FARS2: variants seen among roughly 807,000 people sequenced by gnomAD.
FARS2 encodes the protein phenylalanyl-tRNA synthetase 2, mitochondrial.
Under a neutral mutation model 46.4 loss-of-function variants are expected in FARS2, and 40 were observed. The observed-to-expected ratio is 0.86, with a 90% CI of 0.67 to 1.12. The LOEUF is 1.12. Among genes scored for constraint, FARS2 ranks in the 50% most tolerant of loss-of-function variants. FARS2 has a pLI of 0.00. For missense variants in FARS2, 513 were observed against 567.9 expected, an observed-to-expected ratio of 0.90 and a Z score of 0.98; for synonymous variants, 234 against 214.9, an observed-to-expected ratio of 1.09 and a Z score of -0.78.
intron 5 of FARS2, among the ~76,000 whole-genome samples, chr6:5,554,841 T>TACC: frequency 5.3e-5 from 8 of 152,186 alleles, no homozygotes; most frequent in African/African-American, 1.9e-4. Context: ...AATATTGAAC[T>TACC]AGTAAGCTGT....
intron 5 of FARS2, chr6:5,609,632 A>G (rs1775060459): frequency 5.0e-6 from 6 of 1,211,238 alleles, no homozygotes; most frequent in Admixed American, 3.4e-5. Flanking sequence ...AGCACTCACC[A>G]TCTCTTGCTT....
chr6:5,673,037 G>C (rs902673004), intron 6 of FARS2, among the ~76,000 whole-genome samples: 2 of 152,134 alleles, frequency 1.3e-5, no homozygotes, highest in African/African-American at 2.4e-5. Context: ...CTCTGCCTTT[G>C]CAGTTTAGCA....
In FARS2 at chr6:5,591,391, A is replaced by G. The variant is rs572989860; in HGVS notation, c.1066-21778A>G. Among the ~76,000 whole-genome samples the G allele has an allele frequency of 5.3e-5, 8 of 152,354 alleles. No individual in the cohort carries two copies. The South Asian group carries it at 1.2e-3, about 24-fold the overall frequency. On this transcript the variant is annotated intron_variant, in intron 5 of 6. Transcript: ENST00000274680. Reference sequence around the variant, plus strand: ...ATCTTACGTCCCCTCCGCAACTTACATCAGCTTCTCTGAGCACAGCTGTGA... The same window carrying G: ...ATCTTACGTCCCCTCCGCAACTTACGTCAGCTTCTCTGAGCACAGCTGTGA...
chr6:5,404,828 C>T lies in FARS2; in HGVS notation c.772+127C>T, dbSNP rs551080487. On this transcript the variant is annotated intron_variant, in intron 3 of 6. Coordinates refer to ENST00000274680, the MANE Select transcript of FARS2 (RefSeq NM_006567.5). ...TTTTTTTTTTTCCCCGAGACGGAGT[C>T]TTGCTCTGTCACCCAGGCTGGAGTA... The T allele has an allele frequency of 2.6e-4, 164 of 630,146 alleles. No individual in the cohort carries two copies. In the African/African-American group the frequency reaches 3.1e-3, roughly 12 times the overall value. 39.0% of individuals were successfully genotyped at this position (630,146 alleles called of 1,614,324 possible). A position where few individuals can be genotyped will look rare whatever the true frequency, so the allele number is the denominator to read the frequency against.
intron 1 of FARS2, among the ~76,000 whole-genome samples, chr6:5,297,554 A>C (rs1767979196): frequency 1.3e-5 from 2 of 152,246 alleles, no homozygotes; most frequent in Admixed American, 1.3e-4. Flanking sequence ...AGGCTGAGGT[A>C]GGAGAATTGA....
chr6:5,251,497 C>A, the FARS2 span, among the ~76,000 whole-genome samples: 3 of 152,136 alleles, frequency 2.0e-5, no homozygotes, highest in Non-Finnish European at 4.4e-5. Flanking sequence ...GAAGGGGGAG[C>A]AGACACATCA....
intron 4 of FARS2, among the ~76,000 whole-genome samples, chr6:5,490,125 T>G (rs1475197783): frequency 6.6e-6 from 1 of 152,224 alleles, no homozygotes; most frequent in African/African-American, 2.4e-5. Context: ...TTTTCTAGAA[T>G]GTCATATATA....
chr6:5,457,390 A>G (rs1360692415), intron 4 of FARS2, among the ~76,000 whole-genome samples: 1 of 152,130 alleles, frequency 6.6e-6, no homozygotes, highest in Non-Finnish European at 1.5e-5. Context: ...CTGCTGCACC[A>G]TCCACAGCTG....
At chr6:5,639,198 T>C (rs1466413241) in intron 6 of FARS2, among the ~76,000 whole-genome samples, 1 of 152,242 alleles carries the variant, frequency 6.6e-6, no homozygotes, top group South Asian at 2.1e-4. Flanking sequence ...GTTGAAGTGC[T>C]TAAACGTACA....
chr6:5,319,042 G>T (rs2127561300), intron 1 of FARS2, among the ~76,000 whole-genome samples: 1 of 152,196 alleles, frequency 6.6e-6, no homozygotes, highest in East Asian at 1.9e-4. Context: ...AATTCTGCTT[G>T]GTCAGCTATG....
At chr6:5,478,472 T>A (rs1456718224) in intron 4 of FARS2, among the ~76,000 whole-genome samples, 2 of 152,200 alleles carry the variant, frequency 1.3e-5, no homozygotes, top group African/African-American at 2.4e-5. Context: ...AGGTTAAGTG[T>A]CCTTAATAAC....
At chr6:5,684,247 G>A (rs1000681437) in intron 6 of FARS2, among the ~76,000 whole-genome samples, 4 of 152,028 alleles carry the variant, frequency 2.6e-5, no homozygotes, top group Non-Finnish European at 4.4e-5. Context: ...GACCATCCCC[G>A]ATGTGCCAGC....
chr6:5,746,888 A>G (rs753739739), intron 6 of FARS2, among the ~76,000 whole-genome samples: 2 of 152,252 alleles, frequency 1.3e-5, no homozygotes, highest in Non-Finnish European at 2.9e-5. Context: ...AAGGCAGACC[A>G]TAAAATAAAT....
At chr6:5,461,582 G>T (rs1285787432) in intron 4 of FARS2, among the ~76,000 whole-genome samples, 1 of 151,804 alleles carries the variant, frequency 6.6e-6, no homozygotes, top group African/African-American at 2.4e-5. Context: ...TTTTTGAGAG[G>T]GGGGTCTCAC....
chr6:5,281,262 A>C lies in FARS2; in HGVS notation c.-22+19602A>C, dbSNP rs895503633. Among the ~76,000 whole-genome samples the C allele has an allele frequency of 2.6e-5, 4 of 152,326 alleles. No homozygotes were observed. The East Asian group carries it at 7.7e-4, about 29-fold the overall frequency. On this transcript the variant is annotated intron_variant, in intron 1 of 6. Transcript: ENST00000274680. ...TTTACAAGTGAAGGTAAGACTTAAA[A>C]AGATTTAATAGCATAAACTTTAATA...
intron 5 of FARS2, among the ~76,000 whole-genome samples, chr6:5,546,401 C>T (rs1771001034): frequency 6.6e-6 from 1 of 151,576 alleles, no homozygotes; most frequent in Non-Finnish European, 1.5e-5. Context: ...CAGGCGCCCA[C>T]CACTACGCCC....
Position 5,368,554 on chromosome 6 carries a change from T to G in FARS2, c.-17T>G. 6.3e-7 allele frequency: 1 copy of G among 1,592,208 alleles called. No individual in the cohort carries two copies. Among genetic ancestry groups the G allele is most frequent in the East Asian group, 2.2e-5 (1 of 44,642 alleles). On this transcript the variant is annotated 5_prime_UTR_variant, in exon 2 of 7. Transcript: ENST00000274680. ...TTGCCTGTGTGCTCTTTCCAGAACC[T>G]GTGAGAAGTTTCTACAATGGTGGGC...
intron 4 of FARS2, among the ~76,000 whole-genome samples, chr6:5,507,512 G>A (rs1381696363): frequency 6.6e-6 from 1 of 152,148 alleles, no homozygotes; most frequent in Non-Finnish European, 1.5e-5. Flanking sequence ...TCTGTAAAAA[G>A]CAGTTAAAAG....
intron 6 of FARS2, among the ~76,000 whole-genome samples, chr6:5,708,106 G>A (rs940851915): frequency 1.3e-5 from 2 of 152,114 alleles, no homozygotes; most frequent in Non-Finnish European, 2.9e-5. Flanking sequence ...GTCATGGTGT[G>A]GTTGTAGAAC....
Sources: allele counts gnomAD v4.1 joint callset (sites outside exome capture counted in the v4.1 genomes callset), GRCh38; gene constraint gnomAD v4.1.1; transcripts MANE v1.5; gene names NCBI Gene and HGNC (gene_info 2026-07-23, HGNC 2026-07-21).